TNKS2: variants seen among roughly 807,000 people sequenced by gnomAD.
The protein encoded by TNKS2 is poly [ADP-ribose] polymerase tankyrase-2.
TNKS2 carries 72 observed loss-of-function variants against 137.6 expected under a neutral mutation model. The observed-to-expected ratio is 0.52, with a 90% CI of 0.43 to 0.64. The LOEUF is 0.64. Ranked by LOEUF, TNKS2 falls within the 30% of genes least tolerant of loss-of-function variation. The probability of loss-of-function intolerance (pLI) is 0.00; values close to 1 mark genes in which losing one functional copy is unlikely to be tolerated. For missense variants in TNKS2, 1,049 were observed against 1,410.2 expected (o/e 0.74, Z 4.10); for synonymous variants, 516 against 512.1 (o/e 1.01, Z -0.10).
In TNKS2 at chr10:91,813,193, T is replaced by C; in HGVS notation, c.410T>C (p.Ile137Thr). The change falls in exon 2 of 27, where the codon ATT becomes ACT. Residue 137 changes from isoleucine to threonine, a missense_variant. Physicochemically the swap from Ile to Thr is moderately conservative, Grantham distance 89 (BLOSUM62 -1). Around this residue, in one of 6 missense-constraint regions of TNKS2, gnomAD observed 374 missense variants for 460.8 expected, o/e 0.81. Transcript: ENST00000371627. ...PLHEAAIKGK[I>T]DVCIVLLQHG... ...CATGAAGCTGCAATTAAAGGAAAGA[T>C]TGATGTTTGCATTGGTAAGACTGTT... The C allele has an allele frequency of 6.2e-7, 1 of 1,614,040 alleles. No individual in the cohort carries two copies.
At chr10:91,845,325 G>A (rs960838649) in intron 17 of TNKS2, among the ~76,000 whole-genome samples, 1 of 152,268 alleles carries the variant, frequency 6.6e-6, no homozygotes, top group South Asian at 2.1e-4. Flanking sequence ...GGGCACCAAC[G>A]GGGTAGATGG....
chr10:91,819,142 C>T (rs1844802747), intron 3 of TNKS2, 128 bp from the exon 4 acceptor site: 2 of 570,194 alleles, frequency 3.5e-6, no homozygotes, highest in East Asian at 6.8e-5. Context: ...TGTTAATGAA[C>T]TATTTTCCAT....
intron 25 of TNKS2, 27 bp downstream of exon 25, chr10:91,859,675 T>A: frequency 6.3e-7 from 1 of 1,592,412 alleles, no homozygotes; most frequent in Non-Finnish European, 8.6e-7. Flanking sequence ...TCTCATTTAT[T>A]TTGGTGGTAA....
At chr10:91,811,333 T>C (rs988796757) in intron 1 of TNKS2, among the ~76,000 whole-genome samples, 5 of 151,816 alleles carry the variant, frequency 3.3e-5, no homozygotes, top group African/African-American at 9.7e-5. Flanking sequence ...CCCTCCTCAT[T>C]TTCCTAATCA....
chr10:91,837,070 A>G, intron 13 of TNKS2, 72 bp downstream of exon 13: 1 of 1,459,558 alleles, frequency 6.9e-7, no homozygotes, highest in Non-Finnish European at 9.3e-7. Context: ...CTGTACTGTT[A>G]CAATGAAGAG....
chr10:91,836,726 G>A (rs1477091970), intron 12 of TNKS2, 193 bp from the exon 13 acceptor site: 1 of 985,112 alleles, frequency 1.0e-6, no homozygotes, highest in Non-Finnish European at 1.2e-6. Context: ...TATATGTGTT[G>A]TATTTCAAAG....
intron 5 of TNKS2, 102 bp from the exon 6 acceptor site, chr10:91,819,837 T>A: frequency 1.0e-6 from 1 of 957,652 alleles, no homozygotes; most frequent in Non-Finnish European, 1.5e-6. Flanking sequence ...CTTAGCGAAG[T>A]TATAATTGGA....
chr10:91,832,112 T>C (rs187500618), intron 11 of TNKS2, among the ~76,000 whole-genome samples: 1 of 152,298 alleles, frequency 6.6e-6, no homozygotes, highest in African/African-American at 2.4e-5. Context: ...TAATTTCTCT[T>C]TGATTTGGGG....
chr10:91,849,674 G>A (rs1842486122), intron 20 of TNKS2, 80 bp downstream of exon 20: 1 of 1,108,778 alleles, frequency 9.0e-7, no homozygotes. Context: ...GAAATGAGCT[G>A]AACCATGTAA....
intron 6 of TNKS2, among the ~76,000 whole-genome samples, chr10:91,821,333 A>G (rs1199812576): frequency 6.6e-6 from 1 of 152,062 alleles, no homozygotes; most frequent in Non-Finnish European, 1.5e-5. Flanking sequence ...CGCCTGGCCT[A>G]GAACTCTCAG....
chr10:91,834,240 A>C (rs1389297436), intron 12 of TNKS2, among the ~76,000 whole-genome samples: 1 of 152,174 alleles, frequency 6.6e-6, no homozygotes, highest in Non-Finnish European at 1.5e-5. Flanking sequence ...TTTTCTGCCC[A>C]GTTTCTTAAG....
intron 1 of TNKS2, chr10:91,812,741 G>A: frequency 1.0e-6 from 1 of 984,184 alleles, no homozygotes; most frequent in Non-Finnish European, 1.2e-6. Flanking sequence ...TTTGAGGTTA[G>A]CAGTAGTAGT....
chr10:91,854,898 CAAA>C (rs374091607), intron 21 of TNKS2, 128 bp from the exon 22 acceptor site: 931 of 352,546 alleles, frequency 2.6e-3, no homozygotes, highest in East Asian at 3.3e-3. Context: ...AACTCTGTCT[CAAA>C]AAAAAAAAAA....
chr10:91,845,105 T>C, intron 17 of TNKS2, 77 bp downstream of exon 17: 1 of 884,458 alleles, frequency 1.1e-6, no homozygotes, highest in Non-Finnish European at 1.8e-6. Flanking sequence ...AAATGGAATG[T>C]AGTTTGATGT....
At chr10:91,810,245 G>A (rs922848171) in intron 1 of TNKS2, among the ~76,000 whole-genome samples, 3 of 151,872 alleles carry the variant, frequency 2.0e-5, no homozygotes, top group African/African-American at 7.3e-5. Flanking sequence ...AGGCATGGTG[G>A]TGCACACCTG....
intron 18 of TNKS2, among the ~76,000 whole-genome samples, chr10:91,847,063 ATTTAC>A (rs1402366612): frequency 6.6e-6 from 1 of 152,246 alleles, no homozygotes. Flanking sequence ...AAATGGGGTA[ATTTAC>A]TTAAAGTCTT....
intron 1 of TNKS2, among the ~76,000 whole-genome samples, chr10:91,809,517 T>A (rs1432992556): frequency 6.6e-6 from 1 of 151,920 alleles, no homozygotes; most frequent in Non-Finnish European, 1.5e-5. Context: ...ATACAAAAAA[T>A]TAGCTGGGCG....
intron 1 of TNKS2, among the ~76,000 whole-genome samples, chr10:91,802,858 C>G (rs1487174111): frequency 6.6e-6 from 1 of 152,332 alleles, no homozygotes; most frequent in East Asian, 1.9e-4. Flanking sequence ...CAGCAGGAAA[C>G]CCTAGTGTCA....
Position 91,863,825 on chromosome 10 carries a change from T to G in TNKS2, c.*826T>G, listed in dbSNP as rs1441746922. 1 of 152,224 alleles carries G rather than the reference T, an allele frequency of 6.6e-6. No homozygotes were observed. Among genetic ancestry groups the G allele is most frequent in the Admixed American group, 6.5e-5 (1 of 15,278 alleles). The allele number at this position is 152,224 out of a possible 1,614,324, so 9.4% of individuals were successfully genotyped here. On this transcript the variant is annotated 3_prime_UTR_variant, in exon 27 of 27. Transcript: ENST00000371627. ...TTTTCTGCAGTCCTTCTGTGAAAAT[T>G]AGAGCAAAGTGCTCCTGTTTTTTAG...
Sources: allele counts gnomAD v4.1 joint callset (sites outside exome capture counted in the v4.1 genomes callset), GRCh38; gene constraint gnomAD v4.1.1; regional missense constraint gnomAD v4.1.1; transcripts MANE v1.5; gene names NCBI Gene and HGNC (gene_info 2026-07-23, HGNC 2026-07-21).